OGN: variants seen among roughly 807,000 people sequenced by gnomAD.
The protein encoded by OGN is mimecan.
OGN carries 19 observed loss-of-function variants against 30.8 expected under a neutral mutation model. The ratio of observed to expected loss-of-function variants is 0.62; its 90% CI spans 0.43 to 0.90. The LOEUF is 0.90. OGN is among the 40% of genes least tolerant of loss of function. OGN has a pLI of 0.00. For synonymous variants in OGN, 126 were observed against 128.3 expected (o/e 0.98, Z 0.12); for missense variants, 283 against 349.7 (o/e 0.81, Z 1.52).
intron 3 of OGN, among the ~76,000 whole-genome samples, chr9:92,397,778 C>T (rs1205956452): frequency 6.6e-6 from 1 of 152,124 alleles, no homozygotes; most frequent in African/African-American, 2.4e-5. Context: ...TCTCTTTCTC[C>T]ACAGATAATA....
intron 4 of OGN, among the ~76,000 whole-genome samples, chr9:92,392,412 A>AG (rs375953278): frequency 4.0e-4 from 61 of 152,280 alleles, no homozygotes; most frequent in African/African-American, 1.4e-3. Context: ...TCACAAGGTC[A>AG]GGAGTTCCAG....
intron 5 of OGN, among the ~76,000 whole-genome samples, chr9:92,387,124 G>A (rs113642084): frequency 0.036 from 5,355 of 150,056 alleles, 128 homozygotes; most frequent in South Asian, 0.087. Context: ...TGTAATCCCA[G>A]TACTTTGAGA....
At chr9:92,401,978 A>C (rs1843133919) in intron 2 of OGN, among the ~76,000 whole-genome samples, 1 of 151,124 alleles carries the variant, frequency 6.6e-6, no homozygotes, top group Admixed American at 6.6e-5. Flanking sequence ...TCCTCCCTCT[A>C]CTCTGTGTTT....
chr9:92,403,091 G>C (rs1264424560), intron 2 of OGN, 143 bp downstream of exon 2: 1 of 562,858 alleles, frequency 1.8e-6, no homozygotes, highest in African/African-American at 1.9e-5. Flanking sequence ...TACAATCTTA[G>C]GGACAATTAT....
At chr9:92,397,447 C>T (rs1235630452) in intron 3 of OGN, among the ~76,000 whole-genome samples, 1 of 152,146 alleles carries the variant, frequency 6.6e-6, no homozygotes, top group Non-Finnish European at 1.5e-5. Context: ...CCACCTCAGC[C>T]TCCCGAGTAG....
intron 2 of OGN, among the ~76,000 whole-genome samples, chr9:92,401,985 G>A (rs1843134429): frequency 6.6e-6 from 1 of 152,010 alleles, no homozygotes; most frequent in South Asian, 2.1e-4. Context: ...TCTACTCTGT[G>A]TTTGCACATC....
chr9:92,392,235 C>T (rs943281120), intron 4 of OGN, among the ~76,000 whole-genome samples: 3 of 152,068 alleles, frequency 2.0e-5, no homozygotes, highest in Non-Finnish European at 4.4e-5. Flanking sequence ...TTAGAATCAT[C>T]CAAGGAGTTT....
chr9:92,400,189 C>T (rs1201076457), intron 3 of OGN, among the ~76,000 whole-genome samples: 5 of 152,036 alleles, frequency 3.3e-5, no homozygotes, highest in Admixed American at 6.6e-5. Flanking sequence ...CTTGCTCTGC[C>T]GCCTAGGCTG....
chr9:92,396,528 G>A (rs1842897224), intron 3 of OGN, among the ~76,000 whole-genome samples: 1 of 151,068 alleles, frequency 6.6e-6, no homozygotes, highest in African/African-American at 2.4e-5. Context: ...TCTCTTAGCA[G>A]CGTTATTTAG....
At chr9:92,403,794 C>T (rs1242881969) in intron 1 of OGN, 6 of 507,436 alleles carry the variant, frequency 1.2e-5, no homozygotes, top group Non-Finnish European at 1.3e-5. Flanking sequence ...AATAAAGTCC[C>T]AAGATCCTGT....
At chr9:92,402,395 A>G (rs1193485654) in intron 2 of OGN, among the ~76,000 whole-genome samples, 2 of 152,196 alleles carry the variant, frequency 1.3e-5, no homozygotes, top group Admixed American at 6.5e-5. Context: ...CCTCCAATTT[A>G]TAGTGGAGAA....
At chr9:92,402,023 A>G (rs1014992868) in intron 2 of OGN, among the ~76,000 whole-genome samples, 3 of 152,126 alleles carry the variant, frequency 2.0e-5, no homozygotes, top group Non-Finnish European at 4.4e-5. Flanking sequence ...ACTCCACTCC[A>G]CAAATATCTT....
chr9:92,392,958 G>A (rs1245515502), intron 4 of OGN, 128 bp downstream of exon 4: 1 of 660,358 alleles, frequency 1.5e-6, no homozygotes, highest in East Asian at 2.8e-5. Context: ...TGTGAAACAT[G>A]TTAGATATTT....
At chr9:92,385,978 G>A (rs957416278) in intron 6 of OGN, among the ~76,000 whole-genome samples, 188 bp from the exon 7 acceptor site, 5 of 152,198 alleles carry the variant, frequency 3.3e-5, no homozygotes, top group East Asian at 3.8e-4. Context: ...GACTTCACAC[G>A]TACTGTGCTG....
chr9:92,396,008 G>A (rs1395721844), intron 3 of OGN, among the ~76,000 whole-genome samples: 2 of 152,040 alleles, frequency 1.3e-5, no homozygotes, highest in African/African-American at 4.8e-5. Flanking sequence ...ACCTTTAGGT[G>A]TGGGGTATAC....
chr9:92,386,781 A>C (rs1267079568), intron 5 of OGN, among the ~76,000 whole-genome samples: 1 of 152,052 alleles, frequency 6.6e-6, no homozygotes, highest in Non-Finnish European at 1.5e-5. Flanking sequence ...ACGAGGTTTC[A>C]CCATGTTGGC....
At chr9:92,401,212 C>G (rs1564300963) in intron 2 of OGN, 27 bp from the exon 3 acceptor site, 1 of 991,048 alleles carries the variant, frequency 1.0e-6, no homozygotes, top group Non-Finnish European at 1.6e-6. Flanking sequence ...AGTTTGTTAC[C>G]TAGCTTCATT....
At chr9:92,398,237 T>C (rs1315414007) in intron 3 of OGN, among the ~76,000 whole-genome samples, 1 of 152,230 alleles carries the variant, frequency 6.6e-6, no homozygotes, top group African/African-American at 2.4e-5. Context: ...CTTTGCTGAG[T>C]TATTAATTTG....
chr9:92,386,124 A>C, intron 6 of OGN, 77 bp downstream of exon 6: 1 of 1,104,736 alleles, frequency 9.1e-7, no homozygotes, highest in Middle Eastern at 2.0e-4. Context: ...TATGTGAATA[A>C]GTGAGGTTCC....
Sources: allele counts gnomAD v4.1 joint callset (sites outside exome capture counted in the v4.1 genomes callset), GRCh38; gene constraint gnomAD v4.1.1; transcripts MANE v1.5; gene names NCBI Gene and HGNC (gene_info 2026-07-23, HGNC 2026-07-21).